The following CNTN5 variants were observed in gnomAD, a reference collection of about 807,000 sequenced individuals.
CNTN5 encodes contactin 5.
Under a neutral mutation model 129.1 loss-of-function variants are expected in CNTN5, and 77 were observed. The observed-to-expected ratio is 0.60, with a 90% confidence interval of 0.50 to 0.72. CNTN5 has a LOEUF of 0.72. Ranked by LOEUF, CNTN5 falls within the 30% of genes least tolerant of loss-of-function variation. The probability of loss-of-function intolerance (pLI) is 0.00; values close to 1 mark genes in which losing one functional copy is unlikely to be tolerated. For missense variants in CNTN5, 1,478 were observed against 1,328.8 expected (o/e 1.11, Z -1.75); for synonymous variants, 509 against 465.6 (o/e 1.09, Z -1.20).
chr11:100,329,075 T>TTGGAGGGGGGCG (rs1951847495), intron 21 of CNTN5, among the ~76,000 whole-genome samples: 1 of 152,128 alleles, frequency 6.6e-6, no homozygotes, highest in Non-Finnish European at 1.5e-5. Flanking sequence ...CTCAGTGCTA[T>TTGGAGGGGGGCG]TGGAGGGGGG....
rs959869891 is a variant in CNTN5 at position 100,356,809 on chromosome 11, T to C, written c.*589T>C. On this transcript the variant is annotated 3_prime_UTR_variant, in exon 25 of 25. Transcript: ENST00000524871. ...AGTGAAATAGCAAGATTTGTCAATATGCTATTCTATATGCACCCCTAGAGC... is the reference window on the plus strand; with the variant it reads ...AGTGAAATAGCAAGATTTGTCAATACGCTATTCTATATGCACCCCTAGAGC... The C allele has an allele frequency of 6.5e-6, 1 of 154,558 alleles. No homozygotes were observed. Among genetic ancestry groups the C allele is most frequent in the African/African-American group, 2.4e-5 (1 of 41,424 alleles). The allele number at this position is 154,558 out of a possible 1,614,324, so 9.6% of individuals were successfully genotyped here.
At chr11:99,330,183 A>C (rs1050287415) in intron 2 of CNTN5, among the ~76,000 whole-genome samples, 20 of 140,114 alleles carry the variant, frequency 1.4e-4, no homozygotes, top group Non-Finnish European at 2.8e-4. Flanking sequence ...GGGAGGGAGG[A>C]GGGAGGCAAG....
At chr11:100,267,906 A>G (rs1280533118) in intron 17 of CNTN5, among the ~76,000 whole-genome samples, 2 of 152,216 alleles carry the variant, frequency 1.3e-5, no homozygotes, top group African/African-American at 4.8e-5. Context: ...TGGTGCTTCA[A>G]TGTGACAGAA....
At chr11:99,769,124 C>CTT (rs1439946386) in intron 3 of CNTN5, among the ~76,000 whole-genome samples, 3 of 151,872 alleles carry the variant, frequency 2.0e-5, no homozygotes, top group Non-Finnish European at 4.4e-5. Flanking sequence ...TTGCAATATT[C>CTT]TTTTTGATAC....
intron 2 of CNTN5, among the ~76,000 whole-genome samples, chr11:99,352,208 A>G (rs756998092): frequency 6.6e-6 from 1 of 152,202 alleles, no homozygotes; most frequent in Non-Finnish European, 1.5e-5. Context: ...TTGTTCCCAC[A>G]AAGACTGCTT....
At chr11:99,351,316 G>C (rs1282105544) in intron 2 of CNTN5, among the ~76,000 whole-genome samples, 2 of 152,096 alleles carry the variant, frequency 1.3e-5, no homozygotes, top group East Asian at 3.9e-4. Context: ...GAGAATTATT[G>C]GCCCTGTTTT....
chr11:99,322,194 T>G lies in CNTN5; in HGVS notation c.-209-3152T>G, dbSNP rs574326269. On this transcript the variant is annotated intron_variant, in intron 1 of 24. Coordinates refer to ENST00000524871, the MANE Select transcript of CNTN5 (RefSeq NM_014361.4). ...TATGAAGGTTGCGCCAGACTTGGTC[T>G]CTTGTGAGGCCTTTCCCCCAGCTTG... is the stretch of plus-strand genomic sequence containing the variant. Among the ~76,000 whole-genome samples the G allele has an allele frequency of 1.1e-4, 17 of 152,272 alleles. No homozygotes were observed. In the South Asian group the frequency reaches 1.7e-3, roughly 15 times the overall value.
chr11:99,608,023 C>T (rs1429837950), intron 3 of CNTN5, among the ~76,000 whole-genome samples: 54 of 141,320 alleles, frequency 3.8e-4, no homozygotes, highest in Middle Eastern at 3.7e-3. Context: ...GTGGGTGCAG[C>T]GCACCAGCAT....
chr11:100,298,922 A>G (rs1337474578), intron 19 of CNTN5, among the ~76,000 whole-genome samples: 1 of 151,320 alleles, frequency 6.6e-6, no homozygotes, highest in South Asian at 2.1e-4. Context: ...AAAGTTTTCA[A>G]TTCTCTTGAG....
At chr11:99,980,417 A>C (rs1364248825) in intron 8 of CNTN5, among the ~76,000 whole-genome samples, 2 of 152,174 alleles carry the variant, frequency 1.3e-5, no homozygotes, top group Non-Finnish European at 2.9e-5. Context: ...AGATTTCCAA[A>C]GACTTTTCAG....
intron 7 of CNTN5, among the ~76,000 whole-genome samples, chr11:99,923,074 C>A (rs933751603): frequency 1.3e-5 from 2 of 152,122 alleles, no homozygotes; most frequent in Non-Finnish European, 2.9e-5. Context: ...TCAGAAACAG[C>A]CCACAGATCC....
At chr11:99,735,905 T>C (rs1382736199) in intron 3 of CNTN5, among the ~76,000 whole-genome samples, 4 of 152,156 alleles carry the variant, frequency 2.6e-5, no homozygotes, top group Non-Finnish European at 5.9e-5. Context: ...ACTGAAACTT[T>C]GTACACCTTG....
chr11:99,242,916 T>C (rs980145569), intron 1 of CNTN5, among the ~76,000 whole-genome samples: 1 of 152,158 alleles, frequency 6.6e-6, no homozygotes, highest in African/African-American at 2.4e-5. Context: ...TCCAGGTCTT[T>C]CCTATGGTGG....
At position 99,897,694 on chromosome 11, in the gene CNTN5, A is replaced by G. The variant is rs80213310; in HGVS notation, c.578-18360A>G. 0.011 allele frequency among the ~76,000 whole-genome samples: 1,721 copies of G among 152,280 alleles called. 69 individuals are homozygous for G. In the East Asian group the frequency reaches 0.15, roughly 14 times the overall value. On this transcript the variant is annotated intron_variant, in intron 6 of 24. Coordinates refer to ENST00000524871, the MANE Select transcript of CNTN5 (RefSeq NM_014361.4). ...ATGATACTTGGCATCAGAAAATGAC[A>G]GATATATACAGAACTCACAGACCCT...
Position 99,229,106 on chromosome 11 carries a change from G to T in CNTN5, c.-209-96240G>T, listed in dbSNP as rs1012334792. 2.6e-5 allele frequency among the ~76,000 whole-genome samples: 4 copies of T among 151,842 alleles called. No individual in the cohort carries two copies. In the South Asian group the frequency reaches 8.3e-4, roughly 31 times the overall value. On this transcript the variant is annotated intron_variant, in intron 1 of 24. Coordinates refer to ENST00000524871, the MANE Select transcript of CNTN5 (RefSeq NM_014361.4). ...ACATGTTAATTTGTCGTTCTTCCAC[G>T]TATGAAGTGAGCAACTTGTCCTACC...
chr11:100,307,313 T>TG (rs2138918217), intron 20 of CNTN5, among the ~76,000 whole-genome samples: 1 of 151,826 alleles, frequency 6.6e-6, no homozygotes, highest in African/African-American at 2.4e-5. Context: ...ACCATTTTTA[T>TG]GGGGTAGAAT....
chr11:99,092,510 A>G (rs1042977956), intron 1 of CNTN5, among the ~76,000 whole-genome samples: 3 of 152,078 alleles, frequency 2.0e-5, no homozygotes, highest in Admixed American at 6.6e-5. Flanking sequence ...ATAAAAAACT[A>G]CCTAAAAACT....
chr11:99,516,085 C>T (rs369956952), intron 2 of CNTN5, among the ~76,000 whole-genome samples: 14 of 151,652 alleles, frequency 9.2e-5, no homozygotes, highest in Non-Finnish European at 1.3e-4. Flanking sequence ...ATCAATTGCT[C>T]GGCTATATGC....
intron 24 of CNTN5, among the ~76,000 whole-genome samples, chr11:100,352,889 G>C (rs531036886): frequency 6.6e-6 from 1 of 151,598 alleles, no homozygotes; most frequent in Non-Finnish European, 1.5e-5. Context: ...GCTTCAGCAC[G>C]TCAGATTCCT....
Sources: gnomAD v4.1 joint callset for allele counts (sites outside exome capture counted in the v4.1 genomes callset) on GRCh38, gnomAD v4.1.1 for gene constraint, MANE v1.5 for transcripts, NCBI Gene and HGNC (gene_info 2026-07-23, HGNC 2026-07-21) for gene names.